Variants in PPARG observed in about 807,000 individuals in gnomAD.
PPARG encodes peroxisome proliferator activated receptor gamma.
PPARG carries 17 observed loss-of-function variants against 39.2 expected under a neutral mutation model. That is an observed-to-expected ratio of 0.43 (90% confidence interval 0.30 to 0.65). PPARG has a LOEUF of 0.65. Among genes scored for constraint, PPARG ranks in the 30% least tolerant of loss-of-function variants. PPARG has a pLI of 0.13. For synonymous variants in PPARG, 223 were observed against 215.7 expected, an observed-to-expected ratio of 1.03 and a Z score of -0.30; for missense variants, 406 against 585.9, an observed-to-expected ratio of 0.69 and a Z score of 3.17.
intron 6 of PPARG, among the ~76,000 whole-genome samples, chr3:12,410,590 G>A (rs903566273): frequency 1.1e-4 from 16 of 152,178 alleles, no homozygotes; most frequent in Admixed American, 8.5e-4. Flanking sequence ...GGGTTCCAAA[G>A]CATCACATTG....
rs565261168 is a variant in PPARG, at chr3:12,351,701, T to G, written c.-8-28003T>G. Reference sequence around the variant, plus strand: ...TAAAGTTCCTTCCAGATACGGCTATTGGGGACGTGGGGGCATTTATGTAAG... The same window carrying G: ...TAAAGTTCCTTCCAGATACGGCTATGGGGGACGTGGGGGCATTTATGTAAG... On this transcript the variant is annotated intron_variant, in intron 2 of 7. Coordinates refer to ENST00000651735, the MANE Select transcript of PPARG (RefSeq NM_138711.6). 4.5e-6 allele frequency: 7 copies of G among 1,540,366 alleles called. No individual in the cohort carries two copies. In the African/African-American group the frequency reaches 9.5e-5, roughly 21 times the overall value.
chr3:12,427,724 C>T (rs976791550), intron 7 of PPARG, among the ~76,000 whole-genome samples: 4 of 152,172 alleles, frequency 2.6e-5, no homozygotes, highest in African/African-American at 9.7e-5. Flanking sequence ...TAGAACATGC[C>T]TGTGAACTGA....
intron 1 of PPARG, among the ~76,000 whole-genome samples, chr3:12,310,875 T>C (rs67654715): frequency 0.25 from 37,301 of 149,634 alleles, 4,818 homozygotes; most frequent in East Asian, 0.32. Flanking sequence ...CTCATGTGTT[T>C]TGCCTGTTGT....
At chr3:12,301,745 C>G (rs1255460496) in intron 1 of PPARG, 1 of 152,188 alleles carries the variant, frequency 6.6e-6, no homozygotes, top group African/African-American at 2.4e-5. Context: ...CTCCTGCCAC[C>G]ACACCTGTTC....
intron 4 of PPARG, among the ~76,000 whole-genome samples, chr3:12,387,785 C>G (rs919114737): frequency 6.6e-6 from 1 of 152,188 alleles, no homozygotes; most frequent in African/African-American, 2.4e-5. Context: ...GACATGAAGT[C>G]TTTGCCCATG....
intron 1 of PPARG, among the ~76,000 whole-genome samples, chr3:12,312,131 T>C (rs940700925): frequency 1.3e-5 from 2 of 152,238 alleles, no homozygotes; most frequent in African/African-American, 4.8e-5. Flanking sequence ...GATGTTTCTT[T>C]TATGAAATAA....
intron 2 of PPARG, among the ~76,000 whole-genome samples, chr3:12,326,578 T>C (rs1352323356): frequency 1.3e-5 from 2 of 152,196 alleles, no homozygotes; most frequent in Non-Finnish European, 1.5e-5. Context: ...TCTTTCTGAT[T>C]AAGAAATAGG....
At chr3:12,307,046 C>T (rs1384471378) in intron 1 of PPARG, among the ~76,000 whole-genome samples, 7 of 138,606 alleles carry the variant, frequency 5.1e-5, no homozygotes, top group East Asian at 2.2e-4. Context: ...TGCAGTGAGC[C>T]GAGATCGCGC....
intron 2 of PPARG, among the ~76,000 whole-genome samples, chr3:12,339,459 T>A (rs990983491): frequency 5.3e-5 from 8 of 152,246 alleles, no homozygotes; most frequent in Admixed American, 5.2e-4. Context: ...AACTTTATGC[T>A]ATGTAAAATA....
At chr3:12,411,058 T>G (rs1025562500) in intron 6 of PPARG, among the ~76,000 whole-genome samples, 1 of 152,214 alleles carries the variant, frequency 6.6e-6, no homozygotes, top group African/African-American at 2.4e-5. Flanking sequence ...CATTCATCCA[T>G]GTATCAATAT....
At chr3:12,418,389 G>C (rs905252598) in intron 7 of PPARG, among the ~76,000 whole-genome samples, 3 of 152,160 alleles carry the variant, frequency 2.0e-5, no homozygotes, top group Non-Finnish European at 4.4e-5. Flanking sequence ...TGAGCTTTTT[G>C]TATGTACTCT....
chr3:12,301,782 C>G (rs1378074362), intron 1 of PPARG: 1 of 152,150 alleles, frequency 6.6e-6, no homozygotes, highest in Non-Finnish European at 1.5e-5. Flanking sequence ...AAGTGCCCTG[C>G]TAGACACAAG....
At chr3:12,298,491 A>G (rs2046851116) in intron 1 of PPARG, among the ~76,000 whole-genome samples, 1 of 152,040 alleles carries the variant, frequency 6.6e-6, no homozygotes, top group South Asian at 2.1e-4. Context: ...ATCCCAAAGG[A>G]GAAAGTTAAG....
chr3:12,397,515 A>G (rs2050311008), intron 5 of PPARG, among the ~76,000 whole-genome samples: 1 of 151,262 alleles, frequency 6.6e-6, no homozygotes, highest in African/African-American at 2.4e-5. Flanking sequence ...GATTCACACC[A>G]TTCTCCTGCC....
chr3:12,309,894 TTGTC>T (rs1265294084), intron 1 of PPARG, among the ~76,000 whole-genome samples: 4 of 152,184 alleles, frequency 2.6e-5, no homozygotes, highest in African/African-American at 9.6e-5. Flanking sequence ...TGTGAGGCAA[TTGTC>T]TGCTGTCTTC....
chr3:12,364,045 C>T (rs1039916969), intron 2 of PPARG, among the ~76,000 whole-genome samples: 1 of 151,798 alleles, frequency 6.6e-6, no homozygotes, highest in Non-Finnish European at 1.5e-5. Context: ...GTCAATAAAC[C>T]CCCACTGACA....
At chr3:12,362,926 T>G (rs759910788) in intron 2 of PPARG, among the ~76,000 whole-genome samples, 13 of 152,302 alleles carry the variant, frequency 8.5e-5, no homozygotes, top group Non-Finnish European at 1.9e-4. Flanking sequence ...AATGCTTTCA[T>G]AGTTTGTTGT....
intron 6 of PPARG, among the ~76,000 whole-genome samples, chr3:12,410,467 G>A (rs2050842988): frequency 6.6e-6 from 1 of 152,174 alleles, no homozygotes; most frequent in Non-Finnish European, 1.5e-5. Context: ...AAATAGAAAA[G>A]CGCTTGATGT....
In PPARG at chr3:12,372,019, A is replaced by G. The variant is rs541402495; in HGVS notation, c.-8-7685A>G. 8.9e-5 allele frequency: 64 copies of G among 717,350 alleles called. No individual in the cohort carries two copies. The African/African-American group carries it at 1.1e-3, about 12-fold the overall frequency. 44.4% of individuals were successfully genotyped at this position (717,350 alleles called of 1,614,324 possible). A position where few individuals can be genotyped will look rare whatever the true frequency, so the allele number is the denominator to read the frequency against. On this transcript the variant is annotated intron_variant, in intron 2 of 7. Coordinates refer to ENST00000651735, the MANE Select transcript of PPARG (RefSeq NM_138711.6). ...GTTATGAGTACCATGACATTAACTG[A>G]AACAAATGAGAAGGGATTGAAAAAT...
Sources: allele counts gnomAD v4.1 joint callset (sites outside exome capture counted in the v4.1 genomes callset), GRCh38; gene constraint gnomAD v4.1.1; transcripts MANE v1.5; gene names NCBI Gene and HGNC (gene_info 2026-07-23, HGNC 2026-07-21).